Variants in MINDY3 observed in about 807,000 individuals in gnomAD.
The protein encoded by MINDY3 is MINDY lysine 48 deubiquitinase 3.
In MINDY3, 38 loss-of-function variants were observed where a neutral mutation model predicts 69.2. That is an observed-to-expected ratio of 0.55 (90% CI 0.42 to 0.72). The LOEUF is 0.72. Ranked by LOEUF, MINDY3 falls within the 30% of genes least tolerant of loss-of-function variation. The pLI, the probability that MINDY3 is intolerant of heterozygous loss-of-function variation, is 0.00. For missense variants in MINDY3, 522 were observed against 519.0 expected, an observed-to-expected ratio of 1.01 and a Z score of -0.06; for synonymous variants, 192 against 180.1, an observed-to-expected ratio of 1.07 and a Z score of -0.53.
At chr10:15,843,313 A>C in intron 2 of MINDY3, 41 bp from the exon 3 acceptor site, 1 of 1,431,624 alleles carries the variant, frequency 7.0e-7, no homozygotes, top group Non-Finnish European at 9.8e-7. Context: ...ATGCATTATA[A>C]CCATACATCA....
In MINDY3 at chr10:15,785,031, T is replaced by C. The variant is rs149351128; in HGVS notation, c.1116+1530A>G. Among the ~76,000 whole-genome samples the C allele has an allele frequency of 9.2e-5, 14 of 152,252 alleles. No individual in the cohort carries two copies. The East Asian group carries it at 2.7e-3, about 29-fold the overall frequency. ...ACTTGCAGGGCTTGTTAGACCACAT[T>C]GCTGCACCCACCCTTAAAGTCTCTG... is the stretch of plus-strand genomic sequence containing the variant. On this transcript the variant is annotated intron_variant, in intron 13 of 14. Coordinates refer to ENST00000277632, the MANE Select transcript of MINDY3 (RefSeq NM_024948.4).
intron 9 of MINDY3, chr10:15,817,583 A>G (rs577262819): frequency 6.6e-6 from 1 of 151,982 alleles, no homozygotes; most frequent in East Asian, 1.9e-4. Flanking sequence ...TGTGACTGAG[A>G]AAAAAAAAGT....
In MINDY3 at chr10:15,843,233, A is replaced by G; in HGVS notation, c.214T>C (p.Ser72Pro). ...ATACCTGAACAATCCCGCCAAGAAG[A>G]CTTCTCCGAAGAAAACAGGAGCTTC... ...LKKLLFSSEKSSWRDCSEEEQ... is the reference protein window; with the variant it reads ...LKKLLFSSEKPSWRDCSEEEQ... The change falls in exon 3 of 15, where the codon TCT becomes CCT. Residue 72 changes from serine to proline, a missense_variant. Ser to Pro is a moderately conservative substitution (Grantham distance 74, BLOSUM62 -1). Transcript: ENST00000277632. 6.2e-7 allele frequency: 1 copy of G among 1,613,076 alleles called. No homozygotes were observed. The highest frequency in any genetic ancestry group is 1.1e-5 in the South Asian group (1 of 91,024).
At chr10:15,792,307 A>C (rs570347604) in intron 11 of MINDY3, among the ~76,000 whole-genome samples, 12 of 152,220 alleles carry the variant, frequency 7.9e-5, no homozygotes, top group African/African-American at 2.6e-4. Context: ...CCCAGGGCCT[A>C]GCACAGTGGT....
At chr10:15,851,014 CA>C (rs1322591315) in intron 1 of MINDY3, among the ~76,000 whole-genome samples, 2 of 152,166 alleles carry the variant, frequency 1.3e-5, no homozygotes, top group Non-Finnish European at 2.9e-5. Context: ...CATTCTCACC[CA>C]AGTTCATCAG....
intron 8 of MINDY3, among the ~76,000 whole-genome samples, chr10:15,827,292 A>G (rs541099592): frequency 1.3e-5 from 2 of 151,960 alleles, no homozygotes; most frequent in African/African-American, 4.8e-5. Context: ...CTGTAATCTC[A>G]GCACTTTGGA....
At chr10:15,785,905 T>A (rs1400890624) in intron 13 of MINDY3, among the ~76,000 whole-genome samples, 2 of 152,228 alleles carry the variant, frequency 1.3e-5, no homozygotes, top group African/African-American at 4.8e-5. Context: ...TATACTGATA[T>A]CTGATAAAAT....
At chr10:15,807,127 G>A (rs935262639) in intron 10 of MINDY3, among the ~76,000 whole-genome samples, 4 of 152,106 alleles carry the variant, frequency 2.6e-5, no homozygotes, top group Non-Finnish European at 5.9e-5. Flanking sequence ...GATTAAATGA[G>A]GAATGCTCCT....
Position 15,786,496 on chromosome 10 carries a change from T to G in MINDY3, c.1116+65A>C. On this transcript the variant is annotated intron_variant, in intron 13 of 14. Coordinates refer to ENST00000277632, the MANE Select transcript of MINDY3 (RefSeq NM_024948.4). ...GACATTGTACAGAAAGAGAAAATGC[T>G]GCAAACAATCACAGGTAATCATCCC... is the stretch of plus-strand genomic sequence containing the variant. 7.0e-6 allele frequency: 7 copies of G among 995,788 alleles called. No individual in the cohort carries two copies. In the South Asian group the frequency reaches 9.6e-5, roughly 14 times the overall value. The allele number at this position is 995,788 out of a possible 1,614,324, so 61.7% of individuals were successfully genotyped here. A position where few individuals can be genotyped will look rare whatever the true frequency, so the allele number is the denominator to read the frequency against.
chr10:15,832,516 G>T (rs938146881), intron 8 of MINDY3, among the ~76,000 whole-genome samples: 27 of 152,068 alleles, frequency 1.8e-4, no homozygotes, highest in Admixed American at 1.8e-3. Flanking sequence ...AGAATAGGAT[G>T]ATCTCAATTA....
chr10:15,855,010 T>C (rs1405669308), intron 1 of MINDY3, among the ~76,000 whole-genome samples: 1 of 152,090 alleles, frequency 6.6e-6, no homozygotes, highest in Non-Finnish European at 1.5e-5. Flanking sequence ...TCTGCTAAAC[T>C]TTTCGTGTAT....
chr10:15,795,694 T>C (rs1023603443), intron 11 of MINDY3, among the ~76,000 whole-genome samples: 1 of 152,076 alleles, frequency 6.6e-6, no homozygotes, highest in African/African-American at 2.4e-5. Context: ...AGTGAATGAT[T>C]CAGATGATCT....
chr10:15,843,332 T>C, intron 2 of MINDY3, 60 bp from the exon 3 acceptor site: 1 of 1,368,744 alleles, frequency 7.3e-7, no homozygotes, highest in South Asian at 1.2e-5. Flanking sequence ...CATATCATTC[T>C]TCAATTTTAA....
At chr10:15,787,302 T>A (rs866654571) in intron 12 of MINDY3, among the ~76,000 whole-genome samples, 1 of 152,068 alleles carries the variant, frequency 6.6e-6, no homozygotes, top group Non-Finnish European at 1.5e-5. Flanking sequence ...ACAGGTGGTG[T>A]TATGTGTGAC....
intron 14 of MINDY3, among the ~76,000 whole-genome samples, chr10:15,779,498 T>C (rs1836352092): frequency 6.6e-6 from 1 of 152,184 alleles, no homozygotes; most frequent in South Asian, 2.1e-4. Flanking sequence ...ATACAGGTCC[T>C]ACTGCTTTAA....
chr10:15,790,764 C>G (rs1056775923), intron 11 of MINDY3, among the ~76,000 whole-genome samples: 4 of 152,112 alleles, frequency 2.6e-5, no homozygotes, highest in African/African-American at 4.8e-5. Flanking sequence ...CATCCCTGAT[C>G]TGGTCCAAAA....
intron 10 of MINDY3, among the ~76,000 whole-genome samples, chr10:15,813,035 T>C (rs985803163): frequency 1.2e-4 from 18 of 152,102 alleles, no homozygotes; most frequent in Admixed American, 3.9e-4. Context: ...TTTTTACCTA[T>C]TCCCTGGGTT....
intron 5 of MINDY3, chr10:15,837,668 C>G (rs983768019): frequency 8.8e-7 from 1 of 1,131,932 alleles, no homozygotes; most frequent in African/African-American, 1.7e-5. Flanking sequence ...GAAAACTTCA[C>G]TTTTTAAATC....
At chr10:15,849,751 A>G (rs116146754) in intron 1 of MINDY3, among the ~76,000 whole-genome samples, 3,165 of 152,224 alleles carry the variant, frequency 0.021, 77 homozygotes, top group African/African-American at 0.068. Flanking sequence ...TTTATCTTCA[A>G]TCTCTTCCAG....
Sources: allele counts gnomAD v4.1 joint callset (sites outside exome capture counted in the v4.1 genomes callset), GRCh38; gene constraint gnomAD v4.1.1; transcripts MANE v1.5; gene names NCBI Gene and HGNC (gene_info 2026-07-23, HGNC 2026-07-21).